Variants in ROR1 observed in about 807,000 individuals in gnomAD.
ROR1 encodes ROR family WNT receptor 1, also known as inactive tyrosine-protein kinase transmembrane receptor ROR1.
ROR1 carries 19 observed loss-of-function variants against 78.8 expected under a neutral mutation model. The observed-to-expected ratio is 0.24, with a 90% CI of 0.17 to 0.35. The LOEUF (loss-of-function observed/expected upper bound fraction) is 0.35. Ranked by LOEUF, ROR1 falls within the 10% of genes least tolerant of loss-of-function variation. The pLI is 1.00. For synonymous variants in ROR1, 386 were observed against 433.6 expected (o/e 0.89, Z 1.36); for missense variants, 917 against 1,177.8 (o/e 0.78, Z 3.24).
At chr1:64,054,397 C>T (rs965275547) in intron 4 of ROR1, among the ~76,000 whole-genome samples, 3 of 152,204 alleles carry the variant, frequency 2.0e-5, no homozygotes, top group Admixed American at 6.5e-5. Context: ...CCACCTCAGC[C>T]TCCCGAGTAG....
chr1:64,109,530 T>C (rs1446671242), intron 4 of ROR1, among the ~76,000 whole-genome samples: 2 of 152,116 alleles, frequency 1.3e-5, no homozygotes, highest in Non-Finnish European at 2.9e-5. Flanking sequence ...ACACATAGAA[T>C]CTTCCTTGTG....
At position 63,801,222 on chromosome 1, in the gene ROR1, C is replaced by G. The variant is rs137965706; in HGVS notation, c.91+26714C>G. Among the ~76,000 whole-genome samples, 477 of 152,236 alleles carry G rather than the reference C, an allele frequency of 3.1e-3. 2 individuals carry two copies. Among genetic ancestry groups the G allele is most frequent in the African/African-American group, 0.01 (435 of 41,550 alleles). ...AAAAGCATTTGCATGCTTTTGACCT[C>G]TTGTTTTAACCTGTTTTTGAATCTT... On this transcript the variant is annotated intron_variant, in intron 1 of 8. Transcript: ENST00000371079.
intron 4 of ROR1, among the ~76,000 whole-genome samples, chr1:64,085,502 A>C (rs1393636439): frequency 6.6e-6 from 1 of 152,196 alleles, no homozygotes. Flanking sequence ...CAACATGGCC[A>C]GAGGTTTCAT....
chr1:64,071,700 G>A (rs192497166), intron 4 of ROR1, among the ~76,000 whole-genome samples: 26 of 152,230 alleles, frequency 1.7e-4, no homozygotes, highest in Admixed American at 6.5e-4. Context: ...TGGCAACTGC[G>A]GGGAGAAGGA....
chr1:63,906,152 C>A (rs1301855970), intron 1 of ROR1, among the ~76,000 whole-genome samples: 1 of 152,072 alleles, frequency 6.6e-6, no homozygotes, highest in African/African-American at 2.4e-5. Flanking sequence ...GGGCACTAAC[C>A]AAAACAAACT....
intron 6 of ROR1, 46 bp downstream of exon 6, chr1:64,140,472 A>G: frequency 6.4e-7 from 1 of 1,557,424 alleles, no homozygotes; most frequent in Non-Finnish European, 8.8e-7. Context: ...AGGGTCAGCA[A>G]CCTGTTGGCA....
chr1:63,845,551 C>T (rs182952585), intron 1 of ROR1, among the ~76,000 whole-genome samples: 4 of 152,280 alleles, frequency 2.6e-5, no homozygotes, highest in East Asian at 1.9e-4. Flanking sequence ...GCTTTCTTCT[C>T]CTTAACATCA....
chr1:64,063,716 T>C (rs17126085), intron 4 of ROR1, among the ~76,000 whole-genome samples: 23,771 of 151,940 alleles, frequency 0.16, 2,787 homozygotes, highest in African/African-American at 0.33. Flanking sequence ...GGGTTCTCAT[T>C]ATCTAGGGCA....
At chr1:63,845,062 G>A (rs1457977942) in intron 1 of ROR1, among the ~76,000 whole-genome samples, 1 of 152,062 alleles carries the variant, frequency 6.6e-6, no homozygotes, top group African/African-American at 2.4e-5. Flanking sequence ...ATAATTTAAC[G>A]TGAGCGTATC....
At chr1:63,807,809 G>A (rs1446875094) in intron 1 of ROR1, among the ~76,000 whole-genome samples, 1 of 152,138 alleles carries the variant, frequency 6.6e-6, no homozygotes, top group Non-Finnish European at 1.5e-5. Flanking sequence ...AAATAGAGTG[G>A]AGGGATCTGT....
At chr1:63,856,290 G>A (rs554994660) in intron 1 of ROR1, among the ~76,000 whole-genome samples, 1 of 152,264 alleles carries the variant, frequency 6.6e-6, no homozygotes, top group East Asian at 1.9e-4. Flanking sequence ...TTGAAGATTT[G>A]GAAGACTGAA....
At position 64,142,609 on chromosome 1, in the gene ROR1, ATGAAAACTTTAAGTC is replaced by A; in HGVS notation, c.1137_1151del (p.Glu379_Ser383del). 6.2e-7 allele frequency: 1 copy of A among 1,614,152 alleles called. No homozygotes were observed. The highest frequency in any genetic ancestry group is 1.1e-5 in the South Asian group (1 of 91,080). On this transcript the variant is annotated inframe_deletion, in exon 7 of 9. Coordinates refer to ENST00000371079, the MANE Select transcript of ROR1 (RefSeq NM_005012.4). ...GAAGCTCCCTGGTGCTTCACCTTGG[ATGAAAACTTTAAGTC>A]TGATCTGTGTGACATCCCAGCGTGC...
intron 1 of ROR1, among the ~76,000 whole-genome samples, chr1:63,935,928 G>A (rs138356705): frequency 2.1e-4 from 32 of 152,304 alleles, no homozygotes; most frequent in Admixed American, 7.8e-4. Flanking sequence ...GGTTTCAAAT[G>A]TAAAGGAGAA....
intron 1 of ROR1, among the ~76,000 whole-genome samples, chr1:63,981,630 G>A (rs1204813824): frequency 6.6e-6 from 1 of 152,072 alleles, no homozygotes; most frequent in East Asian, 1.9e-4. Flanking sequence ...CTTGAGAGCT[G>A]GTGTCCTGGG....
chr1:64,157,988 C>T (rs1055412238), intron 7 of ROR1, among the ~76,000 whole-genome samples: 32 of 152,138 alleles, frequency 2.1e-4, no homozygotes, highest in African/African-American at 7.0e-4. Flanking sequence ...AGCTGATCTT[C>T]GTTATCAGGG....
intron 1 of ROR1, among the ~76,000 whole-genome samples, chr1:63,872,929 T>A (rs1273949934): frequency 6.6e-6 from 1 of 152,140 alleles, no homozygotes; most frequent in Non-Finnish European, 1.5e-5. Context: ...TTTTGGTTCC[T>A]CAAACCCAAA....
intron 4 of ROR1, among the ~76,000 whole-genome samples, chr1:64,070,967 A>G (rs1557637507): frequency 6.6e-6 from 1 of 152,206 alleles, no homozygotes; most frequent in Admixed American, 6.5e-5. Flanking sequence ...CCTCTGAGGA[A>G]CAGAGTGAGC....
At chr1:64,006,991 G>T (rs1417007711) in intron 1 of ROR1, among the ~76,000 whole-genome samples, 1 of 151,978 alleles carries the variant, frequency 6.6e-6, no homozygotes, top group East Asian at 1.9e-4. Context: ...TACGAAAAAT[G>T]TGCTTATCTC....
At chr1:64,009,422 A>G in intron 2 of ROR1, 46 bp downstream of exon 2, 3 of 1,429,814 alleles carry the variant, frequency 2.1e-6, no homozygotes, top group Non-Finnish European at 3.0e-6. Flanking sequence ...GAGGTGTGGA[A>G]CTGTTTTTAA....
Sources: allele counts gnomAD v4.1 joint callset (sites outside exome capture counted in the v4.1 genomes callset), GRCh38; gene constraint gnomAD v4.1.1; transcripts MANE v1.5; gene names NCBI Gene and HGNC (gene_info 2026-07-23, HGNC 2026-07-21).